The following R3HCC1L variants were observed in gnomAD, a reference collection of about 807,000 sequenced individuals.
R3HCC1L encodes coiled-coil domain-containing protein R3HCC1L.
In R3HCC1L, 51 loss-of-function variants were observed where a neutral mutation model predicts 59.9. That is an observed-to-expected ratio of 0.85 (90% CI 0.68 to 1.07). The LOEUF (loss-of-function observed/expected upper bound fraction) is 1.07, where lower values mean the gene tolerates loss of function less well. Ranked by LOEUF, R3HCC1L falls within the 50% of genes least tolerant of loss-of-function variation. The probability of loss-of-function intolerance (pLI) is 0.00; values close to 1 mark genes in which losing one functional copy is unlikely to be tolerated. For synonymous variants in R3HCC1L, 322 were observed against 315.2 expected (o/e 1.02, Z -0.23); for missense variants, 965 against 933.0 (o/e 1.03, Z -0.45).
At chr10:98,232,874 C>T (rs189961777) in intron 6 of R3HCC1L, among the ~76,000 whole-genome samples, 1 of 152,144 alleles carries the variant, frequency 6.6e-6, no homozygotes, top group Non-Finnish European at 1.5e-5. Flanking sequence ...ATATGAAGTT[C>T]TAGAACAGGC....
chr10:98,185,375 T>C (rs1850116137), intron 4 of R3HCC1L, among the ~76,000 whole-genome samples: 2 of 152,128 alleles, frequency 1.3e-5, no homozygotes, highest in African/African-American at 4.8e-5. Context: ...GTAATTATAC[T>C]AAAGTAATGA....
intron 4 of R3HCC1L, chr10:98,174,341 T>G (rs1848792183): frequency 2.9e-6 from 1 of 344,588 alleles, no homozygotes; most frequent in Admixed American, 6.5e-5. Context: ...AAGTACAAAA[T>G]AAACTTCCAG....
At chr10:98,211,903 T>A (rs897682141) in intron 5 of R3HCC1L, among the ~76,000 whole-genome samples, 10 of 152,116 alleles carry the variant, frequency 6.6e-5, no homozygotes, top group African/African-American at 2.4e-4. Flanking sequence ...AGGCAACAAC[T>A]CAGTATTTCG....
chr10:98,182,588 G>A (rs758404575), intron 4 of R3HCC1L, among the ~76,000 whole-genome samples: 3 of 152,272 alleles, frequency 2.0e-5, no homozygotes, highest in Admixed American at 2.0e-4. Flanking sequence ...AGACAGGAAC[G>A]TTAAGTCTGC....
At chr10:98,179,241 A>G (rs1194199052) in intron 4 of R3HCC1L, among the ~76,000 whole-genome samples, 1 of 152,210 alleles carries the variant, frequency 6.6e-6, no homozygotes. Context: ...CATTCCATCA[A>G]TACCTAGTTT....
intron 4 of R3HCC1L, among the ~76,000 whole-genome samples, chr10:98,180,501 C>T (rs765500294): frequency 1.4e-4 from 21 of 152,194 alleles, no homozygotes; most frequent in Admixed American, 7.9e-4. Context: ...TTTTGGAATA[C>T]GTGCCATGTG....
At chr10:98,137,559 C>T (rs948407380) in intron 1 of R3HCC1L, among the ~76,000 whole-genome samples, 3 of 152,178 alleles carry the variant, frequency 2.0e-5, no homozygotes, top group Admixed American at 2.0e-4. Context: ...TTAAAAAATA[C>T]TGTAAATAGA....
At chr10:98,186,564 G>A (rs532886934) in intron 4 of R3HCC1L, 2 of 938,218 alleles carry the variant, frequency 2.1e-6, no homozygotes, top group Non-Finnish European at 1.3e-6. Flanking sequence ...GTCACCTAAG[G>A]TAGTGACCAT....
chr10:98,165,541 A>G (rs1448072003), intron 4 of R3HCC1L, among the ~76,000 whole-genome samples: 1 of 152,236 alleles, frequency 6.6e-6, no homozygotes, highest in Non-Finnish European at 1.5e-5. Flanking sequence ...TTTGATACGT[A>G]TGCTATCCGC....
intron 6 of R3HCC1L, among the ~76,000 whole-genome samples, chr10:98,231,966 T>C (rs956661076): frequency 6.6e-6 from 1 of 152,168 alleles, no homozygotes; most frequent in African/African-American, 2.4e-5. Flanking sequence ...TAATACATAT[T>C]GTAATTGTTG....
In R3HCC1L at chr10:98,208,166, G is replaced by A. The variant is rs1412420065; in HGVS notation, c.52G>A (p.Ala18Thr). ...CRVRARRPDM[A>T]LYVPKARRGA... ...AGTTAGAGCCAGAAGGCCTGACATG[G>A]CACTTTATGTACCTAAAGCTCGTAG... Residue 18 changes from alanine to threonine, a missense_variant, in exon 5 of 10, where the codon GCA (alanine) becomes ACA (threonine). Coordinates refer to ENST00000298999, the MANE Select transcript of R3HCC1L (RefSeq NM_001351015.2). The A allele has an allele frequency of 6.2e-7, 1 of 1,613,646 alleles. No individual in the cohort carries two copies. The highest frequency in any genetic ancestry group is 2.2e-5 in the East Asian group (1 of 44,870).
chr10:98,181,862 C>A (rs746886417), intron 4 of R3HCC1L, among the ~76,000 whole-genome samples: 2 of 152,192 alleles, frequency 1.3e-5, no homozygotes, highest in African/African-American at 2.4e-5. Flanking sequence ...TCAGCTCCAT[C>A]AGGTCATTTA....
At chr10:98,239,294 G>A (rs1324216875) in intron 9 of R3HCC1L, among the ~76,000 whole-genome samples, 1 of 152,184 alleles carries the variant, frequency 6.6e-6, no homozygotes, top group Non-Finnish European at 1.5e-5. Context: ...TCCATTACAA[G>A]TGGCAGATAT....
chr10:98,140,464 T>G (rs1376570115), intron 1 of R3HCC1L, among the ~76,000 whole-genome samples: 2 of 151,912 alleles, frequency 1.3e-5, no homozygotes, highest in Non-Finnish European at 2.9e-5. Context: ...GGAGGGTCAG[T>G]CAGAGACAGA....
At chr10:98,168,230 C>T (rs761943461) in intron 4 of R3HCC1L, among the ~76,000 whole-genome samples, 24 of 152,034 alleles carry the variant, frequency 1.6e-4, no homozygotes, top group Admixed American at 2.6e-4. Flanking sequence ...TGCCATTGTT[C>T]GGTATATTAA....
At chr10:98,211,450 T>A in intron 5 of R3HCC1L, 2 of 1,351,346 alleles carry the variant, frequency 1.5e-6, no homozygotes, top group South Asian at 3.5e-5. Context: ...GAGATCCAAA[T>A]CAGGTTAAGA....
At chr10:98,243,493 T>A (rs767603389) in intron 9 of R3HCC1L, among the ~76,000 whole-genome samples, 2 of 152,228 alleles carry the variant, frequency 1.3e-5, no homozygotes, top group African/African-American at 2.4e-5. Context: ...ATTTGTATAT[T>A]TTTTGTTTTT....
At position 98,235,359 on chromosome 10, in the gene R3HCC1L, AT is replaced by A. The variant is rs1029857859; in HGVS notation, c.2033-65del. The A allele has an allele frequency of 1.4e-5, 18 of 1,304,794 alleles. No homozygotes were observed. The African/African-American group carries it at 2.3e-4, about 17-fold the overall frequency. The allele number at this position is 1,304,794 out of a possible 1,614,324, so 80.8% of individuals were successfully genotyped here. On this transcript the variant is annotated intron_variant, in intron 7 of 9. Transcript: ENST00000298999. ...TAACATCTAGGAAATACTAAGAGCT[AT>A]CCCTAGTTTTTCCTTTGCATCACTC...
chr10:98,145,497 G>A (rs1190731430), intron 1 of R3HCC1L, among the ~76,000 whole-genome samples: 1 of 152,206 alleles, frequency 6.6e-6, no homozygotes, highest in Non-Finnish European at 1.5e-5. Flanking sequence ...GGTTATTTAA[G>A]TGGTAGTTTT....
Sources: allele counts gnomAD v4.1 joint callset (sites outside exome capture counted in the v4.1 genomes callset), GRCh38; gene constraint gnomAD v4.1.1; transcripts MANE v1.5; gene names NCBI Gene and HGNC (gene_info 2026-07-23, HGNC 2026-07-21).